Variants in KPTN observed in about 807,000 individuals in gnomAD.
KPTN encodes kaptin, actin binding protein, also known as KICSTOR complex protein kaptin.
A neutral mutation model predicts 52.6 loss-of-function variants in KPTN; 36 were observed. That is an observed-to-expected ratio of 0.68 (90% CI 0.52 to 0.90). KPTN has a LOEUF of 0.90. Among genes scored for constraint, KPTN ranks in the 40% least tolerant of loss-of-function variants. The pLI is 0.00. For synonymous variants in KPTN, 271 were observed against 248.4 expected (o/e 1.09, Z -0.85); for missense variants, 529 against 576.2 (o/e 0.92, Z 0.84).
chr19:47,485,093 C>T (rs1229826360), upstream of KPTN, among the ~76,000 whole-genome samples: 1 of 152,178 alleles, frequency 6.6e-6, no homozygotes, highest in Non-Finnish European at 1.5e-5. Flanking sequence ...TAACCACCTC[C>T]TTTATCGAAC....
At chr19:47,483,430 C>T (rs747333242) in intron 2 of KPTN, 51 bp from the exon 3 acceptor site, 9 of 1,599,298 alleles carry the variant, frequency 5.6e-6, no homozygotes, top group East Asian at 2.2e-5. Context: ...AGGAGGGATC[C>T]GGGGCGGCTC....
chr19:47,475,524 T>C lies in KPTN; in HGVS notation c.1203A>G (p.Ser401=). Residue 401 remains serine (S), a synonymous_variant, in exon 12 of 12, where the codon TCA becomes TCG. Coordinates refer to ENST00000338134, the MANE Select transcript of KPTN (RefSeq NM_007059.4). Reference sequence around the variant, plus strand: ...GTCGAAGCCGGGTCAAGACCAGCTCTGAGGCCTGAATCAGGCTGTGCTGTG... The same window carrying C: ...GTCGAAGCCGGGTCAAGACCAGCTCCGAGGCCTGAATCAGGCTGTGCTGTG... ...HILQHSLIQA[S]ELVLTRLRHQ... The C allele has an allele frequency of 6.2e-7, 1 of 1,613,064 alleles. No homozygotes were observed. Among genetic ancestry groups the C allele is most frequent in the Non-Finnish European group, 8.5e-7 (1 of 1,179,184 alleles).
At chr19:47,483,809 A>G in intron 1 of KPTN, 126 bp downstream of exon 1, 1 of 1,328,202 alleles carries the variant, frequency 7.5e-7, no homozygotes, top group Non-Finnish European at 1.0e-6. Flanking sequence ...CGCTGATCCC[A>G]GTGACCCCCT....
At chr19:47,482,240 G>A (rs1342513124) in intron 4 of KPTN, among the ~76,000 whole-genome samples, 1 of 152,208 alleles carries the variant, frequency 6.6e-6, no homozygotes, top group Non-Finnish European at 1.5e-5. Context: ...TGTAATCCCA[G>A]CACTTTGGGA....
chr19:47,484,790 T>G (rs1968022440), upstream of KPTN, among the ~76,000 whole-genome samples: 1 of 150,656 alleles, frequency 6.6e-6, no homozygotes, highest in Non-Finnish European at 1.5e-5. Context: ...CTGCAACCTC[T>G]GCCTCCTGGG....
At chr19:47,477,638 T>A (rs1967718092) in intron 9 of KPTN, 68 bp downstream of exon 9, 1 of 1,195,302 alleles carries the variant, frequency 8.4e-7, no homozygotes, top group Non-Finnish European at 1.2e-6. Context: ...CTGTAGAGAA[T>A]GACAAGGTTA....
At position 47,483,164 on chromosome 19, in the gene KPTN, G is replaced by T. The variant is rs369379973; in HGVS notation, c.446C>A (p.Ala149Glu). Residue 149 changes from alanine (A) to glutamate (E), a missense_variant, in exon 4 of 12, where the codon GCG (alanine) becomes GAG (glutamate). By Grantham distance (107) the Ala-to-Glu change is moderately radical. Coordinates refer to ENST00000338134, the MANE Select transcript of KPTN (RefSeq NM_007059.4). ...TCGATGCGCAGGGGACACTCACTCC[G>T]CATGGCACAGCTGGAACGGAGTGAA... ...LQFTPFQLCHAEVQVGDQLET... is the reference protein window; with the variant it reads ...LQFTPFQLCHEEVQVGDQLET... 4 of 1,613,762 alleles carry T rather than the reference G, an allele frequency of 2.5e-6. No homozygotes were observed. Among genetic ancestry groups the T allele is most frequent in the Non-Finnish European group, 1.7e-6 (2 of 1,179,820 alleles).
chr19:47,482,774 T>C (rs1006777186), intron 4 of KPTN, among the ~76,000 whole-genome samples: 1 of 151,964 alleles, frequency 6.6e-6, no homozygotes, highest in African/African-American at 2.4e-5. Flanking sequence ...GGTGCAATCT[T>C]GGCTCACTGC....
intron 6 of KPTN, 164 bp downstream of exon 6, chr19:47,480,596 G>GT (rs1290605519): frequency 5.0e-6 from 4 of 792,226 alleles, no homozygotes; most frequent in African/African-American, 3.4e-5. Context: ...TCCACCTCTT[G>GT]TTTTTTCTGG....
chr19:47,485,055 C>T (rs1484174006), upstream of KPTN, among the ~76,000 whole-genome samples: 1 of 152,066 alleles, frequency 6.6e-6, no homozygotes, highest in Non-Finnish European at 1.5e-5. Flanking sequence ...ATTCTTCTTG[C>T]CCCCAAGGAA....
At chr19:47,483,133 T>C in intron 4 of KPTN, 28 bp downstream of exon 4, 7 of 1,609,130 alleles carry the variant, frequency 4.4e-6, no homozygotes, top group African/African-American at 4.0e-5. Context: ...TACAGTGGAG[T>C]GGGCGTCGAT....
chr19:47,478,167 C>A (rs1385843330), intron 8 of KPTN, among the ~76,000 whole-genome samples: 1 of 151,962 alleles, frequency 6.6e-6, no homozygotes, highest in Non-Finnish European at 1.5e-5. Context: ...GAGAGACATG[C>A]AGGTTAGATC....
At position 47,480,800 on chromosome 19, in the gene KPTN, C is replaced by T. The variant is rs1247339609; in HGVS notation, c.559G>A (p.Val187Met). ...GTCAGCTCTGGGAAGAGGTTTTCCA[C>T]GGGCTGTTCCTCAAACTGATGCAGC... Reference protein sequence around the residue: ...EGLHQFEEQPVENLFPELTNL... With the variant: ...EGLHQFEEQPMENLFPELTNL... Residue 187 changes from valine to methionine, a missense_variant, in exon 6 of 12, where the codon GTG becomes ATG. By Grantham distance (21) the Val-to-Met change is conservative. Coordinates refer to ENST00000338134, the MANE Select transcript of KPTN (RefSeq NM_007059.4). The T allele has an allele frequency of 4.3e-6, 7 of 1,613,974 alleles. No individual in the cohort carries two copies. The highest frequency in any genetic ancestry group is 2.7e-5 in the African/African-American group (2 of 74,892).
intron 11 of KPTN, among the ~76,000 whole-genome samples, chr19:47,475,864 G>C (rs891673323): frequency 6.6e-6 from 1 of 152,026 alleles, no homozygotes; most frequent in South Asian, 2.1e-4. Flanking sequence ...GGGAGGCTGA[G>C]GCAGGACAAT....
intron 5 of KPTN, 56 bp downstream of exon 5, chr19:47,480,902 G>T: frequency 1.9e-6 from 3 of 1,610,794 alleles, no homozygotes; most frequent in Non-Finnish European, 2.5e-6. Context: ...TACCCACCCA[G>T]CGCCAGCCCA....
Position 47,476,595 on chromosome 19 carries a change from G to A in KPTN, c.1119C>T (p.Asp373=). The A allele has an allele frequency of 6.2e-7, 1 of 1,612,278 alleles. No homozygotes were observed. Among genetic ancestry groups the A allele is most frequent in the Non-Finnish European group, 8.5e-7 (1 of 1,179,710 alleles). The change falls in exon 11 of 12, where the codon GAC becomes GAT. Residue 373 remains aspartate, a synonymous_variant. Coordinates refer to ENST00000338134, the MANE Select transcript of KPTN (RefSeq NM_007059.4). ...SSPLLAMAHV[D]LTGDGLQELA... The stretch of plus-strand genomic sequence containing the variant: ...GCTCCTGCAGCCCATCCCCGGTCAG[G>A]TCCACGTGAGCCATGGCCAGCAGGG...
chr19:47,477,430 T>C (rs1418001863), intron 9 of KPTN, among the ~76,000 whole-genome samples: 1 of 152,154 alleles, frequency 6.6e-6, no homozygotes, highest in East Asian at 1.9e-4. Flanking sequence ...ACCTGGGCTT[T>C]CCTCGTGCAT....
At position 47,475,501 on chromosome 19, in the gene KPTN, C is replaced by A; in HGVS notation, c.1226G>T (p.Arg409Leu). 3 of 1,613,334 alleles carry A rather than the reference C, an allele frequency of 1.9e-6. No homozygotes were observed. Among genetic ancestry groups the A allele is most frequent in the Non-Finnish European group, 2.5e-6 (3 of 1,179,428 alleles). ...QASELVLTRLRHQVEQRRRRL... is the reference protein window; with the variant it reads ...QASELVLTRLLHQVEQRRRRL... Reference sequence around the variant, plus strand: ...ACGTCTCCTCTGCTCCACTTGATGTCGAAGCCGGGTCAAGACCAGCTCTGA... The same window carrying A: ...ACGTCTCCTCTGCTCCACTTGATGTAGAAGCCGGGTCAAGACCAGCTCTGA... Residue 409 changes from arginine (R) to leucine (L), a missense_variant, in exon 12 of 12, where the codon CGA becomes CTA. Transcript: ENST00000338134.
At chr19:47,483,743 G>T in intron 1 of KPTN, 159 bp from the exon 2 acceptor site, 1 of 926,766 alleles carries the variant, frequency 1.1e-6, no homozygotes, top group Non-Finnish European at 1.6e-6. Context: ...ATCCTGACCT[G>T]TAAGTCTGAA....
Sources: allele counts gnomAD v4.1 joint callset (sites outside exome capture counted in the v4.1 genomes callset), GRCh38; gene constraint gnomAD v4.1.1; transcripts MANE v1.5; gene names NCBI Gene and HGNC (gene_info 2026-07-23, HGNC 2026-07-21).